Variants in LRRC38 observed in about 807,000 individuals in gnomAD.
The protein encoded by LRRC38 is leucine-rich repeat-containing protein 38.
A neutral mutation model predicts 16.4 loss-of-function variants in LRRC38; 5 were observed. The observed-to-expected ratio is 0.31, with a 90% CI of 0.16 to 0.64. The LOEUF (loss-of-function observed/expected upper bound fraction) is 0.64. Ranked by LOEUF, LRRC38 falls within the 30% of genes least tolerant of loss-of-function variation. The pLI is 0.80. For missense variants in LRRC38, 341 were observed against 401.8 expected (o/e 0.85, Z 1.29); for synonymous variants, 191 against 190.2 (o/e 1.00, Z -0.04).
At chr1:13,507,929 G>C (rs1393985062) in intron 1 of LRRC38, among the ~76,000 whole-genome samples, 1 of 149,812 alleles carries the variant, frequency 6.7e-6, no homozygotes. Context: ...TGCATTCAGG[G>C]GTTTAAAAAA....
chr1:13,485,285 A>AAAAAAAAAAACAAAAC (rs1553134928), intron 1 of LRRC38, among the ~76,000 whole-genome samples: 7 of 149,122 alleles, frequency 4.7e-5, no homozygotes, highest in African/African-American at 1.5e-4. Flanking sequence ...CTTAAAAAAA[A>AAAAAAAAAAACAAAAC]AAAAAAAAAC....
rs545585664 is a variant in LRRC38 at position 13,498,980 on chromosome 1, C to A, written c.631+13983G>T. On this transcript the variant is annotated intron_variant, in intron 1 of 1. Coordinates refer to ENST00000376085, the MANE Select transcript of LRRC38 (RefSeq NM_001010847.2). ...GTAGGTACAGCACCTTTACCTCTGC[C>A]TTCATCTTCACGTGGCCTTCTCCCG... 4.7e-4 allele frequency among the ~76,000 whole-genome samples: 71 copies of A among 152,260 alleles called. 3 individuals are homozygous for A. The South Asian group carries it at 0.011, about 24-fold the overall frequency.
At chr1:13,488,169 T>A (rs751400039) in intron 1 of LRRC38, among the ~76,000 whole-genome samples, 9 of 152,086 alleles carry the variant, frequency 5.9e-5, no homozygotes, top group Non-Finnish European at 1.2e-4. Context: ...CTGCAAGGCA[T>A]TTTATTGTGT....
chr1:13,491,430 G>A (rs538713776), intron 1 of LRRC38, among the ~76,000 whole-genome samples: 67 of 152,038 alleles, frequency 4.4e-4, no homozygotes, highest in African/African-American at 1.5e-3. Context: ...GGGCTCAGGC[G>A]ATCCTCCCAC....
chr1:13,513,107 T>C lies in LRRC38; in HGVS notation c.487A>G (p.Asn163Asp). Reference sequence around the variant, plus strand: ...GCGGCCACGCTGAGGCTGCGCAGGTTGTTGTCGTTGAGCTCCAGCACCTGC... The same window carrying C: ...GCGGCCACGCTGAGGCTGCGCAGGTCGTTGTCGTTGAGCTCCAGCACCTGC... ...SLQVLELNDN[N>D]LRSLSVAALA... The change falls in exon 1 of 2, where the codon AAC (asparagine) becomes GAC (aspartate). Residue 163 changes from asparagine to aspartate, a missense_variant. By Grantham distance (23) the Asn-to-Asp change is conservative (BLOSUM62 1). Coordinates refer to ENST00000376085, the MANE Select transcript of LRRC38 (RefSeq NM_001010847.2). The C allele has an allele frequency of 4.5e-6, 7 of 1,550,290 alleles. No individual in the cohort carries two copies. Among genetic ancestry groups the C allele is most frequent in the Non-Finnish European group, 6.1e-6 (7 of 1,146,848 alleles).
At chr1:13,512,923 C>CCCCCAACCA in intron 1 of LRRC38, 40 bp downstream of exon 1, 1 of 1,238,400 alleles carries the variant, frequency 8.1e-7, no homozygotes, top group Non-Finnish European at 1.1e-6. Flanking sequence ...CTCTCCCTGC[C>CCCCCAACCA]CCCCTCCCTC....
rs1404872541 is a variant in LRRC38 at position 13,513,684 on chromosome 1, G to T, written c.-91C>A. On this transcript the variant is annotated 5_prime_UTR_variant, in exon 1 of 2. Transcript: ENST00000376085. The stretch of plus-strand genomic sequence containing the variant: ...ACGGCGCGGTGAGGCACTGGCTGCC[G>T]GGCGCGGGGAGCCAGAGGGCGGCCC... 3.3e-6 allele frequency: 3 copies of T among 903,868 alleles called. No individual in the cohort carries two copies. Among genetic ancestry groups the T allele is most frequent in the South Asian group, 1.0e-4 (2 of 19,836 alleles). 56.0% of individuals were successfully genotyped at this position (903,868 alleles called of 1,614,324 possible). A position where few individuals can be genotyped will look rare whatever the true frequency, so the allele number is the denominator to read the frequency against.
intron 1 of LRRC38, among the ~76,000 whole-genome samples, chr1:13,501,657 G>A (rs1282997907): frequency 1.4e-5 from 2 of 143,250 alleles, no homozygotes; most frequent in Admixed American, 6.9e-5. Context: ...GCAGTGGCAC[G>A]ATCTTGGCTC....
intron 1 of LRRC38, among the ~76,000 whole-genome samples, chr1:13,508,945 T>C (rs1377990938): frequency 6.6e-6 from 1 of 152,164 alleles, no homozygotes; most frequent in Non-Finnish European, 1.5e-5. Flanking sequence ...GGTAATCTGA[T>C]GGGGTTAAAC....
At chr1:13,488,022 TTGTG>T (rs1328419937) in intron 1 of LRRC38, among the ~76,000 whole-genome samples, 5 of 95,792 alleles carry the variant, frequency 5.2e-5, no homozygotes, top group Admixed American at 2.0e-4. Context: ...CTTTTCTAGA[TTGTG>T]TGTGTTTGTG....
chr1:13,506,391 G>T (rs1639213897), intron 1 of LRRC38, among the ~76,000 whole-genome samples: 2 of 152,180 alleles, frequency 1.3e-5, no homozygotes, highest in African/African-American at 4.8e-5. Flanking sequence ...AACCACCAAT[G>T]CTCCTGACCC....
At chr1:13,495,939 A>G (rs1377938826) in intron 1 of LRRC38, among the ~76,000 whole-genome samples, 1 of 152,076 alleles carries the variant, frequency 6.6e-6, no homozygotes, top group Non-Finnish European at 1.5e-5. Context: ...TGAGAGTTGA[A>G]CATCAATTTT....
At chr1:13,505,492 T>C (rs1470899963) in intron 1 of LRRC38, among the ~76,000 whole-genome samples, 2 of 152,218 alleles carry the variant, frequency 1.3e-5, no homozygotes, top group African/African-American at 4.8e-5. Context: ...CGTCCCTGGA[T>C]GACCCCTAGG....
At chr1:13,478,136 A>C (rs1638809880) in intron 1 of LRRC38, among the ~76,000 whole-genome samples, 2 of 152,250 alleles carry the variant, frequency 1.3e-5, no homozygotes, top group Admixed American at 1.3e-4. Flanking sequence ...AATGACGACC[A>C]TGATTTTACA....
chr1:13,484,015 T>A (rs991326376), intron 1 of LRRC38, among the ~76,000 whole-genome samples: 1 of 151,804 alleles, frequency 6.6e-6, no homozygotes, highest in Non-Finnish European at 1.5e-5. Context: ...TACAACTACT[T>A]CTAGTCATTC....
At chr1:13,490,059 C>T (rs961828692) in intron 1 of LRRC38, among the ~76,000 whole-genome samples, 1 of 152,208 alleles carries the variant, frequency 6.6e-6, no homozygotes, top group Non-Finnish European at 1.5e-5. Flanking sequence ...AAGTCGCACA[C>T]ATAAGCGAGG....
chr1:13,476,508 T>C (rs192623125), intron 1 of LRRC38, among the ~76,000 whole-genome samples: 243 of 152,244 alleles, frequency 1.6e-3, no homozygotes, highest in African/African-American at 5.6e-3. Flanking sequence ...TTAGTATTTT[T>C]AGTAGAGACA....
intron 1 of LRRC38, among the ~76,000 whole-genome samples, chr1:13,481,739 G>C (rs1457953436): frequency 7.9e-5 from 11 of 139,872 alleles, no homozygotes; most frequent in African/African-American, 2.4e-4. Flanking sequence ...CTCCCAATCT[G>C]TCTCTGCCTC....
intron 1 of LRRC38, among the ~76,000 whole-genome samples, chr1:13,504,423 T>C (rs987853888): frequency 6.6e-6 from 1 of 151,446 alleles, no homozygotes; most frequent in African/African-American, 2.4e-5. Context: ...GAGAGAAAAA[T>C]AAGAAATCAG....
Sources: allele counts gnomAD v4.1 joint callset (sites outside exome capture counted in the v4.1 genomes callset), GRCh38; gene constraint gnomAD v4.1.1; transcripts MANE v1.5; gene names NCBI Gene and HGNC (gene_info 2026-07-23, HGNC 2026-07-21).